PHACTR1: variants seen among roughly 807,000 people sequenced by gnomAD.
PHACTR1 encodes phosphatase and actin regulator 1.
PHACTR1 carries 16 observed loss-of-function variants against 69.2 expected under a neutral mutation model. The observed-to-expected ratio is 0.23, with a 90% confidence interval of 0.16 to 0.35. The LOEUF is 0.35. Ranked by LOEUF, PHACTR1 falls within the 10% of genes least tolerant of loss-of-function variation. PHACTR1 has a pLI of 1.00. For synonymous variants in PHACTR1, 312 were observed against 284.5 expected, an observed-to-expected ratio of 1.10 and a Z score of -0.97; for missense variants, 510 against 734.7, an observed-to-expected ratio of 0.69 and a Z score of 3.54.
intron 8 of PHACTR1, among the ~76,000 whole-genome samples, chr6:13,225,344 C>T (rs1341380403): frequency 6.6e-6 from 1 of 152,124 alleles, no homozygotes. Context: ...CCTGATTGGC[C>T]CCAGAAGTCT....
At chr6:13,190,196 G>GTTTTTTTTTTTTTTTTTTTTTTTTTT (rs1220683843) in intron 7 of PHACTR1, among the ~76,000 whole-genome samples, 1 of 31,832 alleles carries the variant, frequency 3.1e-5, no homozygotes, top group African/African-American at 1.0e-4. Flanking sequence ...GCTAATTTTT[G>GTTTTTTTTTTTTTTTTTTTTTTTTTT]TATTTTTTTT....
intron 4 of PHACTR1, among the ~76,000 whole-genome samples, chr6:12,887,528 C>T (rs1247498220): frequency 6.6e-6 from 1 of 152,198 alleles, no homozygotes; most frequent in Non-Finnish European, 1.5e-5. Flanking sequence ...CATGGAACAT[C>T]ACCTTCTCAG....
At chr6:13,264,320 A>G (rs184620731) in intron 10 of PHACTR1, among the ~76,000 whole-genome samples, 20 of 152,124 alleles carry the variant, frequency 1.3e-4, no homozygotes, top group Admixed American at 4.6e-4. Context: ...CTCATGCACT[A>G]CCAATTGGGC....
chr6:12,886,425 A>G (rs1286731371), intron 4 of PHACTR1, among the ~76,000 whole-genome samples: 1 of 152,190 alleles, frequency 6.6e-6, no homozygotes, highest in Non-Finnish European at 1.5e-5. Flanking sequence ...ACACATTCTC[A>G]CTTGTTTCTA....
chr6:13,177,400 C>T (rs1287179026), intron 6 of PHACTR1, among the ~76,000 whole-genome samples: 1 of 145,884 alleles, frequency 6.9e-6, no homozygotes, highest in African/African-American at 2.5e-5. Context: ...TATACACACA[C>T]ACACAGACAT....
intron 7 of PHACTR1, among the ~76,000 whole-genome samples, chr6:13,198,294 T>C (rs2113828326): frequency 6.6e-6 from 1 of 152,274 alleles, no homozygotes; most frequent in Non-Finnish European, 1.5e-5. Flanking sequence ...CAATAGGCAA[T>C]GCTGTGACAC....
At chr6:13,129,066 G>A (rs1256527834) in intron 5 of PHACTR1, among the ~76,000 whole-genome samples, 1 of 152,138 alleles carries the variant, frequency 6.6e-6, no homozygotes, top group Admixed American at 6.5e-5. Context: ...TTTCATAAAT[G>A]AAGGAGAGAT....
intron 6 of PHACTR1, among the ~76,000 whole-genome samples, chr6:13,162,064 C>T (rs78286825): frequency 0.051 from 7,638 of 150,370 alleles, 426 homozygotes; most frequent in African/African-American, 0.14. Flanking sequence ...TGTCTTGCTG[C>T]CTGTATGATC....
rs753586421 is a variant in PHACTR1 at position 13,076,794 on chromosome 6, C to T, written c.415+23265C>T. Among the ~76,000 whole-genome samples the T allele has an allele frequency of 4.6e-5, 7 of 151,490 alleles. No individual in the cohort carries two copies. The South Asian group carries it at 8.3e-4, about 18-fold the overall frequency. On this transcript the variant is annotated intron_variant, in intron 5 of 14. Coordinates refer to ENST00000332995, the MANE Select transcript of PHACTR1 (RefSeq NM_030948.6). ...AGGAAGAAATGCTGCAAAGTCATAG[C>T]GTTAAGGAGAAGCATGTCCAAAAGG...
chr6:12,858,752 T>C (rs1780651795), intron 4 of PHACTR1, among the ~76,000 whole-genome samples: 1 of 152,010 alleles, frequency 6.6e-6, no homozygotes, highest in Non-Finnish European at 1.5e-5. Flanking sequence ...GTTATGATCA[T>C]GCCACTGTAC....
chr6:13,086,083 T>TAAAAAAAAAAAAAAAAAAAAAAAA, intron 5 of PHACTR1, among the ~76,000 whole-genome samples: 1 of 60,266 alleles, frequency 1.7e-5, no homozygotes, highest in Non-Finnish European at 2.9e-5. Flanking sequence ...TACACATTTC[T>TAAAAAAAAAAAAAAAAAAAAAAAA]AAAAAAAAAA....
intron 7 of PHACTR1, among the ~76,000 whole-genome samples, chr6:13,192,671 G>A (rs972174060): frequency 1.3e-5 from 2 of 152,126 alleles, no homozygotes; most frequent in Admixed American, 6.5e-5. Context: ...AAATAAACTG[G>A]GGCATGTCCA....
chr6:12,755,661 C>G (rs1767226776), intron 4 of PHACTR1, among the ~76,000 whole-genome samples: 1 of 151,864 alleles, frequency 6.6e-6, no homozygotes, highest in African/African-American at 2.4e-5. Flanking sequence ...TTGATGATCT[C>G]TAGATATTTG....
At chr6:12,774,286 A>G (rs1011070219) in intron 4 of PHACTR1, among the ~76,000 whole-genome samples, 16 of 152,326 alleles carry the variant, frequency 1.1e-4, no homozygotes, top group Middle Eastern at 3.4e-3. Flanking sequence ...TCTCAACAGC[A>G]CGGTAAACTC....
intron 8 of PHACTR1, among the ~76,000 whole-genome samples, chr6:13,210,732 G>C (rs1232928670): frequency 1.3e-5 from 2 of 152,108 alleles, no homozygotes; most frequent in Non-Finnish European, 2.9e-5. Context: ...TGGGGTTATT[G>C]CATGTCACAC....
At chr6:12,848,648 C>T (rs1443504259) in intron 4 of PHACTR1, among the ~76,000 whole-genome samples, 6 of 152,154 alleles carry the variant, frequency 3.9e-5, no homozygotes, top group African/African-American at 7.2e-5. Flanking sequence ...TCCTGATAAA[C>T]ATTTCAGTGT....
chr6:12,763,907 CAT>C (rs35321344), intron 4 of PHACTR1, among the ~76,000 whole-genome samples: 4 of 143,828 alleles, frequency 2.8e-5, no homozygotes, highest in East Asian at 3.9e-4. Flanking sequence ...ATTAATAAAA[CAT>C]ATTATTAATT....
intron 4 of PHACTR1, among the ~76,000 whole-genome samples, chr6:13,018,393 TG>T (rs1800480158): frequency 6.6e-6 from 1 of 152,170 alleles, no homozygotes; most frequent in South Asian, 2.1e-4. Flanking sequence ...GCTTGCTGGC[TG>T]GGTGATTTGG....
At chr6:12,943,400 T>C (rs1790255426) in intron 4 of PHACTR1, among the ~76,000 whole-genome samples, 1 of 152,152 alleles carries the variant, frequency 6.6e-6, no homozygotes, top group African/African-American at 2.4e-5. Context: ...AGGGTTTCCT[T>C]TTGGGTTGAT....
Sources: gnomAD v4.1 joint callset for allele counts (sites outside exome capture counted in the v4.1 genomes callset) on GRCh38, gnomAD v4.1.1 for gene constraint, MANE v1.5 for transcripts, NCBI Gene and HGNC (gene_info 2026-07-23, HGNC 2026-07-21) for gene names.